The following MAP3K7CL variants were observed in gnomAD, a reference collection of about 807,000 sequenced individuals.
MAP3K7CL encodes MAP3K7 C-terminal-like protein.
In MAP3K7CL, 16 loss-of-function variants were observed where a neutral mutation model predicts 18.6. The observed-to-expected ratio is 0.86, with a 90% CI of 0.58 to 1.31. The LOEUF (loss-of-function observed/expected upper bound fraction) is 1.31. Among genes scored for constraint, MAP3K7CL ranks in the 50% most tolerant of loss-of-function variants. The pLI is 0.00. For missense variants in MAP3K7CL, 163 were observed against 174.4 expected (o/e 0.93, Z 0.37); for synonymous variants, 65 against 66.8 (o/e 0.97, Z 0.13).
intron 2 of MAP3K7CL, among the ~76,000 whole-genome samples, chr21:29,142,254 A>G (rs4817273): frequency 0.11 from 17,234 of 152,026 alleles, 1,273 homozygotes; most frequent in East Asian, 0.33. Context: ...TTTTGTAGGT[A>G]TGGGGTTTTG....
chr21:29,119,977 A>G (rs1308109516), intron 4 of MAP3K7CL, among the ~76,000 whole-genome samples: 2 of 152,032 alleles, frequency 1.3e-5, no homozygotes, highest in Non-Finnish European at 2.9e-5. Flanking sequence ...TAATCTTAAA[A>G]CTTGATTGAT....
At chr21:29,089,620 TTGTC>T (rs1397936066) in intron 1 of MAP3K7CL, among the ~76,000 whole-genome samples, 2 of 152,168 alleles carry the variant, frequency 1.3e-5, no homozygotes, top group Non-Finnish European at 2.9e-5. Flanking sequence ...TTTCTTTACT[TTGTC>T]TGCCAGATTG....
At chr21:29,090,267 C>T (rs534913904) in intron 1 of MAP3K7CL, among the ~76,000 whole-genome samples, 4 of 152,154 alleles carry the variant, frequency 2.6e-5, no homozygotes, top group African/African-American at 9.7e-5. Context: ...AGAGATTATT[C>T]AATGAAAGAA....
intron 4 of MAP3K7CL, among the ~76,000 whole-genome samples, chr21:29,105,539 G>C (rs1055252176): frequency 1.3e-5 from 2 of 152,184 alleles, no homozygotes; most frequent in African/African-American, 2.4e-5. Context: ...GGATCCTTGA[G>C]GAAGGAGTGT....
intron 4 of MAP3K7CL, among the ~76,000 whole-genome samples, chr21:29,171,615 T>C (rs2123243526): frequency 6.6e-6 from 1 of 151,922 alleles, no homozygotes; most frequent in South Asian, 2.1e-4. Context: ...CAGGACCAGC[T>C]TAGTCAACAT....
rs903528465 is a variant in MAP3K7CL at position 29,162,778 on chromosome 21, A to G, written c.248+2722A>G. ...ATCCTTACTGTTTACATTGAAAGCA[A>G]TGATAACTCTGGGTACCACTACAAC... On this transcript the variant is annotated intron_variant, in intron 4 of 4. Transcript: ENST00000399928. Among the ~76,000 whole-genome samples the G allele has an allele frequency of 4.5e-4, 68 of 152,136 alleles. 1 individual carries two copies. The highest frequency in any genetic ancestry group is 4.1e-3 in the Admixed American group (63 of 15,274).
At chr21:29,079,949 C>T (rs2085808809) in intron 1 of MAP3K7CL, among the ~76,000 whole-genome samples, 1 of 152,048 alleles carries the variant, frequency 6.6e-6, no homozygotes, top group Admixed American at 6.5e-5. Flanking sequence ...GTTTAGTTGT[C>T]CCGGTGTCTT....
upstream of MAP3K7CL, among the ~76,000 whole-genome samples, chr21:29,082,088 A>C (rs1433449362): frequency 1.3e-5 from 2 of 152,306 alleles, no homozygotes; most frequent in East Asian, 3.9e-4. Flanking sequence ...TTTGTTTTAT[A>C]ATATAATATT....
At chr21:29,118,119 A>G (rs371334747) in intron 4 of MAP3K7CL, among the ~76,000 whole-genome samples, 7 of 134,888 alleles carry the variant, frequency 5.2e-5, no homozygotes, top group Non-Finnish European at 9.5e-5. Context: ...GGACTCTTGC[A>G]CTGTTGCCCA....
At chr21:29,153,519 C>T (rs2087326455) in intron 3 of MAP3K7CL, among the ~76,000 whole-genome samples, 1 of 152,160 alleles carries the variant, frequency 6.6e-6, no homozygotes, top group South Asian at 2.1e-4. Context: ...ATGATCATGG[C>T]TCACTGCAGC....
chr21:29,149,494 T>A (rs182363154), intron 3 of MAP3K7CL, among the ~76,000 whole-genome samples: 97 of 152,332 alleles, frequency 6.4e-4, no homozygotes, highest in Non-Finnish European at 1.1e-3. Context: ...GGCTCCTATT[T>A]TTAAGGGGTT....
At chr21:29,082,778 C>T (rs1357754923), upstream of MAP3K7CL, among the ~76,000 whole-genome samples, 1 of 152,142 alleles carries the variant, frequency 6.6e-6, no homozygotes, top group Non-Finnish European at 1.5e-5. Flanking sequence ...AACCCCAGTC[C>T]CTGCTTTTGG....
intron 4 of MAP3K7CL, among the ~76,000 whole-genome samples, chr21:29,111,061 C>T (rs2086410606): frequency 6.6e-6 from 1 of 151,864 alleles, no homozygotes; most frequent in Non-Finnish European, 1.5e-5. Flanking sequence ...TCAAGACCAT[C>T]CTGTCTAATA....
chr21:29,114,120 G>T (rs1046631428), intron 4 of MAP3K7CL, among the ~76,000 whole-genome samples: 1 of 152,068 alleles, frequency 6.6e-6, no homozygotes, highest in African/African-American at 2.4e-5. Flanking sequence ...CCAGGCTGGA[G>T]TGCAGTGGCG....
At chr21:29,090,766 T>G (rs1300247625) in intron 1 of MAP3K7CL, among the ~76,000 whole-genome samples, 2 of 152,036 alleles carry the variant, frequency 1.3e-5, no homozygotes, top group Non-Finnish European at 2.9e-5. Flanking sequence ...TCACTTTTTT[T>G]TTTTTTAAAA....
At chr21:29,128,827 G>GAA (rs2086727178), upstream of MAP3K7CL, among the ~76,000 whole-genome samples, 1 of 152,100 alleles carries the variant, frequency 6.6e-6, no homozygotes, top group South Asian at 2.1e-4. Flanking sequence ...ATGAGGTCGT[G>GAA]AATAAGAAAT....
intron 4 of MAP3K7CL, among the ~76,000 whole-genome samples, chr21:29,111,488 ATGTTTAGATC>A (rs1187650709): frequency 6.6e-6 from 1 of 152,030 alleles, no homozygotes; most frequent in Non-Finnish European, 1.5e-5. Context: ...CCACATCAAC[ATGTTTAGATC>A]TATCTTCTTG....
intron 1 of MAP3K7CL, among the ~76,000 whole-genome samples, chr21:29,090,926 A>C (rs1276149511): frequency 6.6e-6 from 1 of 152,210 alleles, no homozygotes; most frequent in Non-Finnish European, 1.5e-5. Context: ...AAAAAACTAA[A>C]AAGGAGGTAA....
chr21:29,171,421 A>G (rs567939763), intron 4 of MAP3K7CL, among the ~76,000 whole-genome samples: 3 of 152,366 alleles, frequency 2.0e-5, no homozygotes, highest in African/African-American at 7.2e-5. Context: ...GGGTGCAGGA[A>G]GAAAATACTA....
Sources: gnomAD v4.1 joint callset for allele counts (sites outside exome capture counted in the v4.1 genomes callset) on GRCh38, gnomAD v4.1.1 for gene constraint, MANE v1.5 for transcripts, NCBI Gene and HGNC (gene_info 2026-07-23, HGNC 2026-07-21) for gene names.